CCDC6: variants seen among roughly 807,000 people sequenced by gnomAD.
The protein encoded by CCDC6 is coiled-coil domain-containing protein 6.
A neutral mutation model predicts 56.6 loss-of-function variants in CCDC6; 20 were observed. The observed-to-expected ratio is 0.35, with a 90% CI of 0.25 to 0.51. The LOEUF (loss-of-function observed/expected upper bound fraction) is 0.51, where lower values mean the gene tolerates loss of function less well. Ranked by LOEUF, CCDC6 falls within the 20% of genes least tolerant of loss-of-function variation. The pLI is 0.95. For synonymous variants in CCDC6, 241 were observed against 234.4 expected (o/e 1.03, Z -0.26); for missense variants, 367 against 601.1 (o/e 0.61, Z 4.07).
chr10:59,828,121 T>C (rs950154466), intron 3 of CCDC6, among the ~76,000 whole-genome samples: 3 of 152,218 alleles, frequency 2.0e-5, no homozygotes, highest in Non-Finnish European at 4.4e-5. Flanking sequence ...AGAATAAGAT[T>C]TCTTGACATG....
chr10:59,812,933 C>A (rs529812034), intron 4 of CCDC6, 138 bp from the exon 5 acceptor site: 1 of 597,342 alleles, frequency 1.7e-6, no homozygotes, highest in East Asian at 2.8e-5. Context: ...AATTCCTCTG[C>A]CCATTTTACA....
At position 59,790,240 on chromosome 10, in the gene CCDC6, T is replaced by C. The variant is rs2070456011; in HGVS notation, c.*2677A>G. ...GCACAGTGGTAGCCAAGGGTCTCTG[T>C]CTGCAAGACAGGAAAATGAAGCTAC... On this transcript the variant is annotated 3_prime_UTR_variant, in exon 9 of 9. Transcript: ENST00000263102. 1 of 217,954 alleles carries C rather than the reference T, an allele frequency of 4.6e-6. No individual in the cohort carries two copies. Among genetic ancestry groups the C allele is most frequent in the Non-Finnish European group, 9.2e-6 (1 of 108,172 alleles). The allele number at this position is 217,954 out of a possible 1,614,324, so 13.5% of individuals were successfully genotyped here.
At chr10:59,841,858 G>A (rs1467296486) in intron 2 of CCDC6, among the ~76,000 whole-genome samples, 1 of 151,346 alleles carries the variant, frequency 6.6e-6, no homozygotes, top group Admixed American at 6.6e-5. Flanking sequence ...TAGTAGAGAT[G>A]GGGTTTCACC....
chr10:59,803,952 C>T (rs1012230416), intron 7 of CCDC6, among the ~76,000 whole-genome samples: 3 of 152,112 alleles, frequency 2.0e-5, no homozygotes, highest in Non-Finnish European at 4.4e-5. Flanking sequence ...CAGTAGTGAC[C>T]CTCTGAATTG....
intron 1 of CCDC6, among the ~76,000 whole-genome samples, chr10:59,878,410 C>T (rs2071302648): frequency 6.6e-6 from 1 of 152,174 alleles, no homozygotes; most frequent in Admixed American, 6.5e-5. Context: ...CCTTCCCTTT[C>T]CTTTCTTGAA....
At chr10:59,797,383 A>G (rs2070529883) in intron 7 of CCDC6, among the ~76,000 whole-genome samples, 1 of 151,982 alleles carries the variant, frequency 6.6e-6, no homozygotes, top group Non-Finnish European at 1.5e-5. Flanking sequence ...TCACCACAAT[A>G]ATGATTTTTT....
rs1387663199 is a variant in CCDC6, at chr10:59,804,342, T to C, written c.1105+78A>G. ...CCCTGTTTCCAAGATTTTTATACAC[T>C]AGAAGGGAACACAGTCAGGGTTGCC... On this transcript the variant is annotated intron_variant, in intron 7 of 8. Coordinates refer to ENST00000263102, the MANE Select transcript of CCDC6 (RefSeq NM_005436.5). 9.4e-6 allele frequency: 8 copies of C among 850,414 alleles called. No homozygotes were observed. The highest frequency in any genetic ancestry group is 3.5e-5 in the Admixed American group (2 of 57,902). 52.7% of individuals were successfully genotyped at this position (850,414 alleles called of 1,614,324 possible). A position where few individuals can be genotyped will look rare whatever the true frequency, so the allele number is the denominator to read the frequency against.
chr10:59,832,566 G>T lies in CCDC6; in HGVS notation c.541C>A (p.Leu181Met). Residue 181 changes from leucine to methionine, a missense_variant, in exon 3 of 9, where the codon CTG becomes ATG. Leu to Met is a conservative substitution (Grantham distance 15). Coordinates refer to ENST00000263102, the MANE Select transcript of CCDC6 (RefSeq NM_005436.5). ...TGCTTAGAAATGGTGTCATTCTCCAGTTTTTTAATTTTCTTCATCAGTTTG... is the reference window on the plus strand; with the variant it reads ...TGCTTAGAAATGGTGTCATTCTCCATTTTTTTAATTTTCTTCATCAGTTTG... ...VNKLMKKIKK[L>M]ENDTISKQLT... 1 of 1,613,340 alleles carries T rather than the reference G, an allele frequency of 6.2e-7. No homozygotes were observed. The highest frequency in any genetic ancestry group is 1.1e-5 in the South Asian group (1 of 91,046).
chr10:59,802,156 TA>T (rs778374865), intron 7 of CCDC6, among the ~76,000 whole-genome samples: 15 of 152,200 alleles, frequency 9.9e-5, no homozygotes, highest in Admixed American at 9.8e-4. Context: ...ACTCTTCCTA[TA>T]TATAATTCAT....
intron 7 of CCDC6, among the ~76,000 whole-genome samples, chr10:59,802,836 G>A (rs2070589432): frequency 1.3e-5 from 2 of 152,156 alleles, no homozygotes; most frequent in African/African-American, 4.8e-5. Context: ...CTCAATGATT[G>A]CAACAATCTC....
intron 1 of CCDC6, among the ~76,000 whole-genome samples, chr10:59,888,645 T>C (rs1169457324): frequency 6.6e-6 from 1 of 152,236 alleles, no homozygotes; most frequent in Non-Finnish European, 1.5e-5. Flanking sequence ...GATGTTTACC[T>C]TTCAAACACT....
intron 6 of CCDC6, chr10:59,806,548 G>T: frequency 6.2e-6 from 1 of 161,826 alleles, no homozygotes; most frequent in Non-Finnish European, 1.3e-5. Flanking sequence ...TCCTCGAGCT[G>T]CACTATAGCT....
At chr10:59,898,499 AG>A (rs1230314946) in intron 1 of CCDC6, among the ~76,000 whole-genome samples, 1 of 152,212 alleles carries the variant, frequency 6.6e-6, no homozygotes, top group Non-Finnish European at 1.5e-5. Context: ...GAACCCCTAC[AG>A]GAGTCGGCCT....
Position 59,906,107 on chromosome 10 carries a change from C to G in CCDC6, c.303+15G>C. On this transcript the variant is annotated intron_variant, in intron 1 of 8. Coordinates refer to ENST00000263102, the MANE Select transcript of CCDC6 (RefSeq NM_005436.5). Reference sequence around the variant, plus strand: ...CGGAGGTCGGCGCTGCGGCGCGTCCCCGGGGGGCACTCACGATGGTCACGC... The same window carrying G: ...CGGAGGTCGGCGCTGCGGCGCGTCCGCGGGGGGCACTCACGATGGTCACGC... The G allele has an allele frequency of 2.6e-6, 4 of 1,568,364 alleles. No homozygotes were observed.
At chr10:59,884,027 C>G (rs1225223025) in intron 1 of CCDC6, among the ~76,000 whole-genome samples, 1 of 152,124 alleles carries the variant, frequency 6.6e-6, no homozygotes, top group Admixed American at 6.5e-5. Flanking sequence ...GCTCCAAAAA[C>G]AGTTTTAAAC....
At chr10:59,851,519 G>A (rs1485016152) in intron 2 of CCDC6, among the ~76,000 whole-genome samples, 1 of 151,986 alleles carries the variant, frequency 6.6e-6, no homozygotes, top group African/African-American at 2.4e-5. Flanking sequence ...GAAAGACAGG[G>A]GTAAAAGCTG....
At chr10:59,796,161 T>C (rs1589032136) in intron 7 of CCDC6, among the ~76,000 whole-genome samples, 6 of 152,204 alleles carry the variant, frequency 3.9e-5, no homozygotes, top group Admixed American at 1.3e-4. Flanking sequence ...TTTTTAATGA[T>C]TGCCATTCTA....
chr10:59,805,300 CTAG>C (rs1262360726), intron 6 of CCDC6: 1 of 152,244 alleles, frequency 6.6e-6, no homozygotes, highest in African/African-American at 2.4e-5. Flanking sequence ...CACACATCCA[CTAG>C]TAGACTAAGA....
At position 59,807,346 on chromosome 10, in the gene CCDC6, G is replaced by A. The variant is rs1413030041; in HGVS notation, c.848-268C>T. On this transcript the variant is annotated intron_variant, in intron 5 of 8. Coordinates refer to ENST00000263102, the MANE Select transcript of CCDC6 (RefSeq NM_005436.5). Reference sequence around the variant, plus strand: ...CTAAAAATACAAACATTAGCTGGGCGTGGTGGCAGGCACCTGTAATCCCAG... The same window carrying A: ...CTAAAAATACAAACATTAGCTGGGCATGGTGGCAGGCACCTGTAATCCCAG... Among the ~76,000 whole-genome samples, 6 of 152,064 alleles carry A rather than the reference G, an allele frequency of 3.9e-5. No homozygotes were observed. The South Asian group carries it at 6.2e-4, about 16-fold the overall frequency.
Sources: allele counts gnomAD v4.1 joint callset (sites outside exome capture counted in the v4.1 genomes callset), GRCh38; gene constraint gnomAD v4.1.1; transcripts MANE v1.5; gene names NCBI Gene and HGNC (gene_info 2026-07-23, HGNC 2026-07-21).